The following PARM1 variants were observed in gnomAD, a reference collection of about 807,000 sequenced individuals.
PARM1 encodes the protein WSC4, cell wall integrity and stress response component 4 homolog.
PARM1 carries 14 observed loss-of-function variants against 24.6 expected under a neutral mutation model. That is an observed-to-expected ratio of 0.57 (90% CI 0.38 to 0.89). The LOEUF (loss-of-function observed/expected upper bound fraction) is 0.89. Ranked by LOEUF, PARM1 falls within the 40% of genes least tolerant of loss-of-function variation. The pLI is 0.00. For synonymous variants in PARM1, 179 were observed against 156.6 expected, an observed-to-expected ratio of 1.14 and a Z score of -1.07; for missense variants, 362 against 380.4, an observed-to-expected ratio of 0.95 and a Z score of 0.40.
chr4:74,933,305 T>C lies in PARM1; in HGVS notation c.-23T>C. On this transcript the variant is annotated 5_prime_UTR_variant, in exon 1 of 4. Transcript: ENST00000307428. ...AAACTCCTTGCCGCCCGCCCCGGGC[T>C]GGGCACCAAATACCAGGCTACCATG... 6.2e-7 allele frequency: 1 copy of C among 1,607,048 alleles called. No homozygotes were observed.
At chr4:74,984,463 A>G (rs960167412) in intron 1 of PARM1, among the ~76,000 whole-genome samples, 3 of 152,214 alleles carry the variant, frequency 2.0e-5, no homozygotes, top group African/African-American at 7.2e-5. Context: ...TATTCTTGGT[A>G]CCATGTCGGG....
intron 2 of PARM1, among the ~76,000 whole-genome samples, chr4:75,029,445 C>T (rs1397983130): frequency 6.6e-6 from 1 of 152,114 alleles, no homozygotes; most frequent in African/African-American, 2.4e-5. Flanking sequence ...GTGAGTTTTA[C>T]CCATGCTGTT....
At chr4:75,036,834 A>G (rs1208912543) in intron 3 of PARM1, among the ~76,000 whole-genome samples, 1 of 152,194 alleles carries the variant, frequency 6.6e-6, no homozygotes, top group Non-Finnish European at 1.5e-5. Context: ...TAAATGTAGT[A>G]AGATATACAG....
At chr4:74,995,368 C>T (rs987476638) in intron 1 of PARM1, among the ~76,000 whole-genome samples, 2 of 152,130 alleles carry the variant, frequency 1.3e-5, no homozygotes, top group African/African-American at 2.4e-5. Context: ...CGGTACAATC[C>T]TGAACACATT....
At chr4:74,944,911 T>C (rs1278607725) in intron 1 of PARM1, among the ~76,000 whole-genome samples, 1 of 152,172 alleles carries the variant, frequency 6.6e-6, no homozygotes, top group Non-Finnish European at 1.5e-5. Context: ...TACCCATACC[T>C]GATTCAAAGT....
At chr4:74,984,348 A>G (rs372002843) in intron 1 of PARM1, among the ~76,000 whole-genome samples, 11 of 152,234 alleles carry the variant, frequency 7.2e-5, no homozygotes, top group African/African-American at 2.4e-4. Context: ...CTTGACCCAC[A>G]TAGAAAATGA....
Position 75,013,145 on chromosome 4 carries a change from G to T in PARM1, c.764G>T (p.Ser255Ile). 6.2e-7 allele frequency: 1 copy of T among 1,610,680 alleles called. No homozygotes were observed. Among genetic ancestry groups the T allele is most frequent in the Non-Finnish European group, 8.5e-7 (1 of 1,178,434 alleles). ...VIMQEVEHAL[S>I]SGSIAAITVT... ...ATGCAGGAAGTAGAACATGCATTAA[G>T]TTCAGGTGAGTCTCTATCCAGTCCA... The change falls in exon 2 of 4, where the codon AGT becomes ATT. Residue 255 changes from serine to isoleucine, a missense_variant. Physicochemically the swap from Ser to Ile is moderately radical, Grantham distance 142. Transcript: ENST00000307428.
intron 2 of PARM1, among the ~76,000 whole-genome samples, chr4:75,023,861 C>G (rs2109802717): frequency 6.6e-6 from 1 of 152,306 alleles, no homozygotes; most frequent in South Asian, 2.1e-4. Flanking sequence ...AGAAGTTGTA[C>G]TCTTCCCTTA....
intron 1 of PARM1, among the ~76,000 whole-genome samples, chr4:74,980,231 C>T (rs868024956): frequency 1.4e-4 from 22 of 152,120 alleles, no homozygotes; most frequent in Admixed American, 1.3e-4. Flanking sequence ...CATCTCCGCC[C>T]CAAAGCTTCT....
intron 2 of PARM1, among the ~76,000 whole-genome samples, chr4:75,032,435 T>C (rs1180316425): frequency 2.0e-5 from 3 of 152,116 alleles, no homozygotes; most frequent in South Asian, 4.1e-4. Context: ...AAACGAACAG[T>C]AACAGGAGCC....
Position 75,048,652 on chromosome 4 carries a change from G to T in PARM1, c.*2405G>T, listed in dbSNP as rs1024979392. Reference sequence around the variant, plus strand: ...CAGGAACCATCGCCTTCTATAAACCGTGAACTCAAGCAGGCATTTTTTTTT... The same window carrying T: ...CAGGAACCATCGCCTTCTATAAACCTTGAACTCAAGCAGGCATTTTTTTTT... On this transcript the variant is annotated 3_prime_UTR_variant, in exon 4 of 4. Transcript: ENST00000307428. 3 of 152,412 alleles carry T rather than the reference G, an allele frequency of 2.0e-5. No individual in the cohort carries two copies. The highest frequency in any genetic ancestry group is 7.2e-5 in the African/African-American group (3 of 41,390). The allele number at this position is 152,412 out of a possible 1,614,324, so 9.4% of individuals were successfully genotyped here. A position where few individuals can be genotyped will look rare whatever the true frequency, so the allele number is the denominator to read the frequency against.
chr4:75,004,040 A>G (rs1311736509), intron 1 of PARM1, among the ~76,000 whole-genome samples: 5 of 152,190 alleles, frequency 3.3e-5, no homozygotes, highest in African/African-American at 9.6e-5. Flanking sequence ...GCAGTCTCCA[A>G]AGTAAAAACA....
At chr4:74,948,828 C>A (rs893894306) in intron 1 of PARM1, among the ~76,000 whole-genome samples, 22 of 152,130 alleles carry the variant, frequency 1.4e-4, no homozygotes, top group Non-Finnish European at 1.2e-4. Context: ...CGAGACCAGC[C>A]TGGCCAACAT....
At chr4:74,936,458 T>G (rs1040467762) in intron 1 of PARM1, among the ~76,000 whole-genome samples, 13 of 142,610 alleles carry the variant, frequency 9.1e-5, no homozygotes, top group South Asian at 2.2e-4. Flanking sequence ...TGTTTGTTTT[T>G]TTGTTTTTTT....
chr4:74,969,546 A>G (rs1721980519), intron 1 of PARM1: 1 of 152,262 alleles, frequency 6.6e-6, no homozygotes, highest in South Asian at 2.1e-4. Context: ...CTCACATTTC[A>G]TGAGGAGAGC....
Position 75,033,969 on chromosome 4 carries a change from G to T in PARM1, c.848+8G>T. On this transcript the variant is annotated splice_region_variant and intron_variant, in intron 3 of 3. Transcript: ENST00000307428. ...AGCCTACCTAAAAATCAGGTGAGACGCAGCTTACTCTTAAAAAAAAGGGAT... is the reference window on the plus strand; with the variant it reads ...AGCCTACCTAAAAATCAGGTGAGACTCAGCTTACTCTTAAAAAAAAGGGAT... The T allele has an allele frequency of 1.3e-6, 2 of 1,586,828 alleles. No homozygotes were observed. Among genetic ancestry groups the T allele is most frequent in the East Asian group, 2.3e-5 (1 of 43,984 alleles).
In PARM1 at chr4:75,012,598, C is replaced by T; in HGVS notation, c.217C>T (p.Pro73Ser). 2 of 1,613,952 alleles carry T rather than the reference C, an allele frequency of 1.2e-6. No homozygotes were observed. The highest frequency in any genetic ancestry group is 1.7e-6 in the Non-Finnish European group (2 of 1,179,890). ...NSVLPVTASA[P>S]TSLLPKNISI... ...GGTGCTCCCAGTTACAGCATCAGCC[C>T]CAACATCTCTGCTTCCTAAGAACAT... Residue 73 changes from proline (P) to serine (S), a missense_variant, in exon 2 of 4, where the codon CCA (proline) becomes TCA (serine). Coordinates refer to ENST00000307428, the MANE Select transcript of PARM1 (RefSeq NM_015393.4).
chr4:74,972,338 C>A (rs1009641879), intron 1 of PARM1, among the ~76,000 whole-genome samples: 7 of 152,204 alleles, frequency 4.6e-5, no homozygotes, highest in African/African-American at 1.7e-4. Flanking sequence ...ATAATACTTA[C>A]CTTTCACTCA....
intron 3 of PARM1, among the ~76,000 whole-genome samples, chr4:75,038,852 C>T (rs543779099): frequency 7.9e-5 from 12 of 152,254 alleles, no homozygotes; most frequent in African/African-American, 2.4e-4. Context: ...CACAGGAGAC[C>T]GTATCTGCTA....
Sources: allele counts gnomAD v4.1 joint callset (sites outside exome capture counted in the v4.1 genomes callset), GRCh38; gene constraint gnomAD v4.1.1; transcripts MANE v1.5; gene names NCBI Gene and HGNC (gene_info 2026-07-23, HGNC 2026-07-21).